ZHX3: variants seen among roughly 807,000 people sequenced by gnomAD.
ZHX3 encodes the protein zinc fingers and homeoboxes 3, also known as zinc fingers and homeoboxes protein 3.
In ZHX3, 20 loss-of-function variants were observed where a neutral mutation model predicts 64.5. That is an observed-to-expected ratio of 0.31 (90% CI 0.22 to 0.45). ZHX3 has a LOEUF of 0.45. ZHX3 is among the 20% of genes least tolerant of loss of function. The pLI is 1.00. For missense variants in ZHX3, 1,041 were observed against 1,195.8 expected, an observed-to-expected ratio of 0.87 and a Z score of 1.91; for synonymous variants, 423 against 461.6, an observed-to-expected ratio of 0.92 and a Z score of 1.07.
intron 1 of ZHX3, among the ~76,000 whole-genome samples, chr20:41,284,481 C>T (rs1317883359): frequency 6.6e-6 from 1 of 152,176 alleles, no homozygotes; most frequent in Non-Finnish European, 1.5e-5. Flanking sequence ...TGTTGCCCAT[C>T]TCAGTGTATA....
At chr20:41,250,551 T>C (rs913228149) in intron 2 of ZHX3, among the ~76,000 whole-genome samples, 1 of 151,920 alleles carries the variant, frequency 6.6e-6, no homozygotes, top group Non-Finnish European at 1.5e-5. Context: ...CCAACACTTA[T>C]GAAACAATAG....
chr20:41,269,773 G>T (rs780534269), intron 1 of ZHX3, among the ~76,000 whole-genome samples: 18 of 151,996 alleles, frequency 1.2e-4, no homozygotes, highest in Non-Finnish European at 2.4e-4. Context: ...ATACCAGAAG[G>T]TCTCAGAACT....
At chr20:41,283,740 GA>G (rs1185470261) in intron 1 of ZHX3, among the ~76,000 whole-genome samples, 1 of 144,036 alleles carries the variant, frequency 6.9e-6, no homozygotes, top group Non-Finnish European at 1.5e-5. Flanking sequence ...CTGGGCGACA[GA>G]ACGAGTCTCC....
chr20:41,203,901 A>G lies in ZHX3; in HGVS notation c.1016T>C (p.Val339Ala). 2 of 1,614,230 alleles carry G rather than the reference A, an allele frequency of 1.2e-6. No individual in the cohort carries two copies. The highest frequency in any genetic ancestry group is 1.7e-6 in the Non-Finnish European group (2 of 1,180,040). ...PTKAELCYLT[V>A]VTKYPEEQLK... ...CTGTTCTTCTGGATACTTGGTCACC[A>G]CAGTCAAATAGCAGAGCTCGGCTTT... is the stretch of plus-strand genomic sequence containing the variant. The change falls in exon 3 of 4, where the codon GTG (valine) becomes GCG (alanine). Residue 339 changes from valine (V) to alanine (A), a missense_variant. Around this residue, in one of 4 missense-constraint regions of ZHX3, gnomAD observed 28 missense variants for 66.7 expected, o/e 0.42. Coordinates refer to ENST00000683867, the MANE Select transcript of ZHX3 (RefSeq NM_001384317.1). This position sits in a 1 kb window ranked among gnomAD's most constrained non-coding sequence, Gnocchi z 7.1.
chr20:41,260,918 G>T (rs1174512658), intron 2 of ZHX3, among the ~76,000 whole-genome samples: 1 of 152,238 alleles, frequency 6.6e-6, no homozygotes. Flanking sequence ...CCGGGCCCAT[G>T]CTCTTAGCAC....
chr20:41,263,676 G>A (rs762548321), intron 2 of ZHX3, among the ~76,000 whole-genome samples: 3 of 151,964 alleles, frequency 2.0e-5, no homozygotes, highest in African/African-American at 4.8e-5. Flanking sequence ...TAGGATTACA[G>A]GCATGAGCCA....
In ZHX3 at chr20:41,201,298, C is replaced by G; in HGVS notation, c.2860+759G>C. 1.5e-6 allele frequency: 2 copies of G among 1,303,324 alleles called. No individual in the cohort carries two copies. The highest frequency in any genetic ancestry group is 2.0e-6 in the Non-Finnish European group (2 of 988,698). 80.7% of individuals were successfully genotyped at this position (1,303,324 alleles called of 1,614,324 possible). A position where few individuals can be genotyped will look rare whatever the true frequency, so the allele number is the denominator to read the frequency against. On this transcript the variant is annotated intron_variant, in intron 3 of 3. Transcript: ENST00000683867. This position sits in a 1 kb window ranked among gnomAD's most constrained non-coding sequence, Gnocchi z 5.0. ...TCCTGGCTCTCACCTGAGCTTCTGG[C>G]TGCCCTCTGATGGGGTCTCTAATGA...
At chr20:41,273,258 T>C (rs1306856097) in intron 1 of ZHX3, among the ~76,000 whole-genome samples, 1 of 152,110 alleles carries the variant, frequency 6.6e-6, no homozygotes, top group Non-Finnish European at 1.5e-5. Flanking sequence ...TAAGAGTTTT[T>C]CGTTTTGTTT....
At chr20:41,209,312 C>A (rs2038975602) in intron 2 of ZHX3, among the ~76,000 whole-genome samples, 1 of 152,182 alleles carries the variant, frequency 6.6e-6, no homozygotes, top group African/African-American at 2.4e-5. Flanking sequence ...CTACCAATGA[C>A]TTTCTTCACA....
chr20:41,233,658 G>A (rs1874869893), intron 2 of ZHX3, among the ~76,000 whole-genome samples: 1 of 152,228 alleles, frequency 6.6e-6, no homozygotes, highest in Non-Finnish European at 1.5e-5. Flanking sequence ...TGAAGCATGA[G>A]TTGAAGCTCA....
At chr20:41,206,056 A>G (rs1220790606) in intron 2 of ZHX3, among the ~76,000 whole-genome samples, 1 of 152,206 alleles carries the variant, frequency 6.6e-6, no homozygotes. Context: ...GACCTCCAGA[A>G]AACTCCAACA....
chr20:41,234,022 A>G (rs1425282518), intron 2 of ZHX3, among the ~76,000 whole-genome samples: 1 of 152,206 alleles, frequency 6.6e-6, no homozygotes, highest in Non-Finnish European at 1.5e-5. Flanking sequence ...CGCAGTACAG[A>G]CTAGGCACTG....
At chr20:41,308,454 T>C (rs1209777767) in intron 1 of ZHX3, among the ~76,000 whole-genome samples, 3 of 152,224 alleles carry the variant, frequency 2.0e-5, no homozygotes, top group African/African-American at 7.2e-5. Flanking sequence ...GAACACATGA[T>C]TGAGCAAATC....
intron 3 of ZHX3, among the ~76,000 whole-genome samples, chr20:41,191,517 G>C (rs1245619886): frequency 6.6e-6 from 1 of 151,902 alleles, no homozygotes; most frequent in Non-Finnish European, 1.5e-5. Context: ...TTTTTTATTG[G>C]AATCTATTGC....
intron 1 of ZHX3, among the ~76,000 whole-genome samples, chr20:41,312,571 A>T (rs1007221521): frequency 2.6e-5 from 4 of 152,212 alleles, no homozygotes; most frequent in African/African-American, 9.6e-5. Context: ...TGCAAGCAAT[A>T]AATGCACATG....
intron 1 of ZHX3, among the ~76,000 whole-genome samples, chr20:41,296,517 A>C (rs1298518632): frequency 1.3e-5 from 2 of 152,210 alleles, no homozygotes; most frequent in East Asian, 3.8e-4. Context: ...TCCCTAGCAC[A>C]TGGTGATGCT....
Position 41,202,403 on chromosome 20 carries a change from C to A in ZHX3, c.2514G>T (p.Gly838=), listed in dbSNP as rs755309466. 1.2e-6 allele frequency: 2 copies of A among 1,614,066 alleles called. No individual in the cohort carries two copies. The highest frequency in any genetic ancestry group is 4.5e-5 in the East Asian group (2 of 44,896). ...EDYKRGNFPP[G]LLVIAPGNRE... ...GGTTGCCAGGGGCAATGACCAGTAG[C>A]CCTGGTGGGAAGTTGCCTCGCTTAT... The change falls in exon 3 of 4, where the codon GGG becomes GGT. Residue 838 remains glycine (G), a synonymous_variant. Transcript: ENST00000683867. The surrounding 1 kb of genome is among the most constrained non-coding windows in gnomAD (Gnocchi z 7.0).
chr20:41,189,938 C>T (rs996690274), intron 3 of ZHX3, among the ~76,000 whole-genome samples: 4 of 138,586 alleles, frequency 2.9e-5, no homozygotes, highest in African/African-American at 1.2e-4. Context: ...TTTCCCCATT[C>T]AGTATGATGC....
At chr20:41,282,009 C>T (rs887146419) in intron 1 of ZHX3, among the ~76,000 whole-genome samples, 1 of 152,048 alleles carries the variant, frequency 6.6e-6, no homozygotes, top group African/African-American at 2.4e-5. Flanking sequence ...CAGGTAGAAT[C>T]GGTAGTCCTT....
Sources: allele counts gnomAD v4.1 joint callset (sites outside exome capture counted in the v4.1 genomes callset), GRCh38; gene constraint gnomAD v4.1.1; regional missense constraint gnomAD v4.1.1; non-coding constraint Gnocchi (gnomAD v3.1); transcripts MANE v1.5; gene names NCBI Gene and HGNC (gene_info 2026-07-23, HGNC 2026-07-21).